The following GABBR2 variants were observed in gnomAD, a reference collection of about 807,000 sequenced individuals.
The protein encoded by GABBR2 is gamma-aminobutyric acid type B receptor subunit 2, also known as G-protein coupled receptor 51.
A neutral mutation model predicts 105.6 loss-of-function variants in GABBR2; 23 were observed. The ratio of observed to expected loss-of-function variants is 0.22; its 90% CI spans 0.16 to 0.31. GABBR2 has a LOEUF of 0.31. GABBR2 is among the 10% of genes least tolerant of loss of function. GABBR2 has a pLI of 1.00. For synonymous variants in GABBR2, 478 were observed against 499.7 expected, an observed-to-expected ratio of 0.96 and a Z score of 0.58; for missense variants, 734 against 1,245.5, an observed-to-expected ratio of 0.59 and a Z score of 6.18.
chr9:98,521,741 C>A (rs912478337), intron 3 of GABBR2, among the ~76,000 whole-genome samples: 3 of 152,050 alleles, frequency 2.0e-5, no homozygotes, highest in Non-Finnish European at 4.4e-5. Context: ...AGATGAATAT[C>A]CAAGGTGAAG....
chr9:98,580,673 G>A (rs1462494494), intron 1 of GABBR2, among the ~76,000 whole-genome samples: 5 of 152,002 alleles, frequency 3.3e-5, no homozygotes, highest in Non-Finnish European at 4.4e-5. Flanking sequence ...CTGTAAACCC[G>A]GCTACTCAGA....
At chr9:98,291,454 G>A (rs779697451) in intron 18 of GABBR2, among the ~76,000 whole-genome samples, 11 of 152,204 alleles carry the variant, frequency 7.2e-5, no homozygotes, top group Middle Eastern at 3.4e-3. Context: ...AAGACTTCTC[G>A]CCTGCTCCAT....
intron 18 of GABBR2, among the ~76,000 whole-genome samples, chr9:98,291,185 A>G (rs561721051): frequency 1.3e-5 from 2 of 152,330 alleles, no homozygotes; most frequent in South Asian, 2.1e-4. Context: ...ATGTGCTCAG[A>G]ACACTTACAG....
chr9:98,299,241 T>A lies in GABBR2; in HGVS notation c.2525A>T (p.Asn842Ile). 6.2e-7 allele frequency: 1 copy of A among 1,614,106 alleles called. No individual in the cohort carries two copies. The highest frequency in any genetic ancestry group is 8.5e-7 in the Non-Finnish European group (1 of 1,180,014). The change falls in exon 17 of 19, where the codon AAC becomes ATC. Residue 842 changes from asparagine to isoleucine, a missense_variant. Physicochemically the swap from Asn to Ile is moderately radical, Grantham distance 149 (BLOSUM62 -3). Coordinates refer to ENST00000259455, the MANE Select transcript of GABBR2 (RefSeq NM_005458.8). Reference sequence around the variant, plus strand: ...TCTCTTACCTGTGCTCTCAGTGAAGTTTCCCAGGTTGAGGATGTCATTGAG... The same window carrying A: ...TCTCTTACCTGTGCTCTCAGTGAAGATTCCCAGGTTGAGGATGTCATTGAG... ...QELNDILNLG[N>I]FTESTDGGKA...
chr9:98,611,247 G>A (rs115804784), intron 1 of GABBR2, among the ~76,000 whole-genome samples: 1,970 of 152,212 alleles, frequency 0.013, 46 homozygotes, highest in African/African-American at 0.044. Flanking sequence ...TGGCATGGCC[G>A]CTGCCATTTC....
At chr9:98,675,043 AG>A (rs1830456978) in intron 1 of GABBR2, among the ~76,000 whole-genome samples, 1 of 152,196 alleles carries the variant, frequency 6.6e-6, no homozygotes, top group African/African-American at 2.4e-5. Flanking sequence ...GTTCACAGGA[AG>A]CATGTGTCTT....
At chr9:98,538,822 C>A (rs754599740) in intron 3 of GABBR2, among the ~76,000 whole-genome samples, 3 of 152,160 alleles carry the variant, frequency 2.0e-5, no homozygotes, top group Admixed American at 1.3e-4. Flanking sequence ...TAGCCCCTGG[C>A]GAGTTTCCAG....
At chr9:98,457,206 T>C (rs1588171173) in intron 6 of GABBR2, among the ~76,000 whole-genome samples, 1 of 152,346 alleles carries the variant, frequency 6.6e-6, no homozygotes, top group Non-Finnish European at 1.5e-5. Context: ...GCAATGGCAT[T>C]CGAGGGTTGG....
At chr9:98,566,851 GAAGA>G (rs1828759014) in intron 2 of GABBR2, among the ~76,000 whole-genome samples, 1 of 133,850 alleles carries the variant, frequency 7.5e-6, no homozygotes, top group Non-Finnish European at 1.6e-5. Context: ...TAAGAAAGAA[GAAGA>G]AAGAAGAAGA....
intron 1 of GABBR2, among the ~76,000 whole-genome samples, chr9:98,637,940 T>C (rs4743242): frequency 0.64 from 97,357 of 152,072 alleles, 32,228 homozygotes; most frequent in Middle Eastern, 0.81. Flanking sequence ...TACTATATAC[T>C]GGATAGTGTA....
At chr9:98,482,192 T>C (rs570345982) in intron 4 of GABBR2, among the ~76,000 whole-genome samples, 1 of 152,244 alleles carries the variant, frequency 6.6e-6, no homozygotes, top group African/African-American at 2.4e-5. Flanking sequence ...TAGAAAAATA[T>C]GCTTTTAAAG....
At chr9:98,369,006 T>C (rs1291269241) in intron 12 of GABBR2, among the ~76,000 whole-genome samples, 1 of 152,224 alleles carries the variant, frequency 6.6e-6, no homozygotes. Context: ...TTTGGCAGTA[T>C]ATTAACATCA....
Position 98,371,591 on chromosome 9 carries a change from AG to A in GABBR2, c.1663-21del. ...CCTGACCTAGAGGCCATGAGAAAAC[AG>A]AGGCATTGACCTTCCTTAGGTAGAC... On this transcript the variant is annotated intron_variant, in intron 11 of 18. Transcript: ENST00000259455. The A allele has an allele frequency of 7.3e-7, 1 of 1,370,246 alleles. No homozygotes were observed. The highest frequency in any genetic ancestry group is 1.4e-5 in the African/African-American group (1 of 70,502). The allele number at this position is 1,370,246 out of a possible 1,614,324, so 84.9% of individuals were successfully genotyped here. A position where few individuals can be genotyped will look rare whatever the true frequency, so the allele number is the denominator to read the frequency against.
chr9:98,362,971 C>A (rs1355115404), intron 12 of GABBR2, 134 bp from the exon 13 acceptor site: 6 of 667,834 alleles, frequency 9.0e-6, no homozygotes, highest in African/African-American at 7.4e-5. Flanking sequence ...TTCCCCATCA[C>A]CCACAGGATA....
intron 1 of GABBR2, among the ~76,000 whole-genome samples, chr9:98,619,667 GA>G (rs1829641502): frequency 6.6e-6 from 1 of 152,154 alleles, no homozygotes; most frequent in African/African-American, 2.4e-5. Context: ...TTCCTGTGGG[GA>G]CTCTGGTCAG....
At chr9:98,397,759 G>C (rs116665197) in intron 8 of GABBR2, among the ~76,000 whole-genome samples, 1 of 152,012 alleles carries the variant, frequency 6.6e-6, no homozygotes, top group African/African-American at 2.4e-5. Flanking sequence ...CTCCCCTCCC[G>C]GTGTCCTAGT....
intron 1 of GABBR2, among the ~76,000 whole-genome samples, chr9:98,700,699 C>T (rs1830818942): frequency 6.6e-6 from 1 of 152,168 alleles, no homozygotes; most frequent in South Asian, 2.1e-4. Flanking sequence ...CTTATGTTTC[C>T]CAGCCTCCTC....
At chr9:98,310,871 G>A (rs953053711) in intron 14 of GABBR2, among the ~76,000 whole-genome samples, 1 of 152,208 alleles carries the variant, frequency 6.6e-6, no homozygotes, top group Non-Finnish European at 1.5e-5. Flanking sequence ...CCTTGGGCAA[G>A]ACACCAAGCC....
intron 1 of GABBR2, among the ~76,000 whole-genome samples, chr9:98,661,419 G>A (rs888368386): frequency 2.0e-5 from 3 of 149,542 alleles, no homozygotes; most frequent in Admixed American, 6.6e-5. Flanking sequence ...CCACCCCCCC[G>A]ATATGGAGTC....
Sources: gnomAD v4.1 joint callset for allele counts (sites outside exome capture counted in the v4.1 genomes callset) on GRCh38, gnomAD v4.1.1 for gene constraint, MANE v1.5 for transcripts, NCBI Gene and HGNC (gene_info 2026-07-23, HGNC 2026-07-21) for gene names.